UBXN7: variants seen among roughly 807,000 people sequenced by gnomAD.
UBXN7 encodes the protein UBX domain protein 7.
A neutral mutation model predicts 58.0 loss-of-function variants in UBXN7; 9 were observed. The observed-to-expected ratio is 0.16, with a 90% confidence interval of 0.09 to 0.27. UBXN7 has a LOEUF of 0.27. Among genes scored for constraint, UBXN7 ranks in the 10% least tolerant of loss-of-function variants. The pLI is 1.00. For synonymous variants in UBXN7, 208 were observed against 205.0 expected (o/e 1.01, Z -0.12); for missense variants, 328 against 599.6 (o/e 0.55, Z 4.73).
rs1728240598 is a variant in UBXN7 at position 196,352,543 on chromosome 3, G to A, written c.*4142C>T. On this transcript the variant is annotated 3_prime_UTR_variant, in exon 11 of 11. Transcript: ENST00000296328. The surrounding 1 kb of genome is among the most constrained non-coding windows in gnomAD (Gnocchi z 4.1). ...TTACAGGCATGAGCCACCACACCTG[G>A]CCAGGAATTAGATCTCAGATTTCAA... The A allele has an allele frequency of 6.6e-6, 1 of 152,044 alleles. No individual in the cohort carries two copies. Among genetic ancestry groups the A allele is most frequent in the Non-Finnish European group, 1.5e-5 (1 of 68,022 alleles). The allele number at this position is 152,044 out of a possible 1,614,324, so 9.4% of individuals were successfully genotyped here. A position where few individuals can be genotyped will look rare whatever the true frequency, so the allele number is the denominator to read the frequency against.
chr3:196,426,960 A>T (rs1014387155), intron 1 of UBXN7, among the ~76,000 whole-genome samples: 48 of 152,208 alleles, frequency 3.2e-4, no homozygotes, highest in African/African-American at 1.1e-3. Context: ...TGAAAGATTA[A>T]GGTCTCTTCT....
At chr3:196,403,642 G>GA (rs1166238460) in intron 2 of UBXN7, among the ~76,000 whole-genome samples, 26 of 151,810 alleles carry the variant, frequency 1.7e-4, no homozygotes, top group Admixed American at 1.6e-3. Context: ...GAAATGAACA[G>GA]AAAAATATAG....
In UBXN7 at chr3:196,409,998, T is replaced by C. The variant is rs1366302625; in HGVS notation, c.74-2605A>G. On this transcript the variant is annotated intron_variant, in intron 1 of 10. Transcript: ENST00000296328. ...TCTCATCACCCAGGCTGGAGTGTAA[T>C]GGTGCGATCTTGGCTCACTACAACC... 2.6e-5 allele frequency among the ~76,000 whole-genome samples: 4 copies of C among 151,496 alleles called. No individual in the cohort carries two copies. In the East Asian group the frequency reaches 7.7e-4, roughly 29 times the overall value.
intron 1 of UBXN7, among the ~76,000 whole-genome samples, chr3:196,424,683 G>T (rs1048843776): frequency 1.4e-5 from 2 of 146,720 alleles, no homozygotes; most frequent in Admixed American, 6.9e-5. Flanking sequence ...ACTAGGCCTC[G>T]CCTCATCCAT....
chr3:196,409,437 T>G (rs1379290147), intron 1 of UBXN7, among the ~76,000 whole-genome samples: 1 of 152,152 alleles, frequency 6.6e-6, no homozygotes, highest in Non-Finnish European at 1.5e-5. Context: ...TCACAGTTTT[T>G]GTGTGATTTG....
intron 5 of UBXN7, among the ~76,000 whole-genome samples, chr3:196,385,289 C>A (rs1729342226): frequency 1.3e-5 from 2 of 152,218 alleles, no homozygotes; most frequent in African/African-American, 4.8e-5. Context: ...CAGACGGAGT[C>A]TCGCTCAGTC....
chr3:196,412,118 C>A (rs569273687), intron 1 of UBXN7, among the ~76,000 whole-genome samples: 2 of 147,448 alleles, frequency 1.4e-5, no homozygotes, highest in South Asian at 2.1e-4. Flanking sequence ...TAGCTCCCAG[C>A]TATTAGGGAG....
At chr3:196,363,909 G>A (rs1728582890) in intron 8 of UBXN7, among the ~76,000 whole-genome samples, 3 of 148,306 alleles carry the variant, frequency 2.0e-5, no homozygotes, top group African/African-American at 5.0e-5. Flanking sequence ...GTGACAGAGC[G>A]AGACTCCATC....
At chr3:196,416,047 AG>A (rs1476832881) in intron 1 of UBXN7, 2 of 152,250 alleles carry the variant, frequency 1.3e-5, no homozygotes, top group Non-Finnish European at 1.5e-5. Flanking sequence ...ACCACAAAAA[AG>A]CAGAAAGAAC....
rs556514024 is a variant in UBXN7 at position 196,422,019 on chromosome 3, T to A, written c.73+10308A>T. The stretch of plus-strand genomic sequence containing the variant: ...TTCAAGACCAGACTGGCCAATGTGG[T>A]GAAACCCTAGTCTCTAGTAAAAATA... On this transcript the variant is annotated intron_variant, in intron 1 of 10. Transcript: ENST00000296328. Among the ~76,000 whole-genome samples, 3 of 151,756 alleles carry A rather than the reference T, an allele frequency of 2.0e-5. No individual in the cohort carries two copies. In the East Asian group the frequency reaches 5.8e-4, roughly 30 times the overall value.
chr3:196,423,498 G>A, intron 1 of UBXN7: 1 of 216,558 alleles, frequency 4.6e-6, no homozygotes, highest in Non-Finnish European at 9.5e-6. Context: ...TTCCCCTCCT[G>A]CCTGACCATT....
At chr3:196,427,565 G>A (rs1172227687) in intron 1 of UBXN7, among the ~76,000 whole-genome samples, 2 of 152,176 alleles carry the variant, frequency 1.3e-5, no homozygotes, top group South Asian at 2.1e-4. Context: ...TGATCCACCC[G>A]CCTTGGCCTC....
chr3:196,431,805 A>G (rs914845863), intron 1 of UBXN7: 2 of 423,938 alleles, frequency 4.7e-6, no homozygotes, highest in Admixed American at 2.7e-5. Flanking sequence ...TGAAGGCGGG[A>G]GGGCCCGAAC....
At chr3:196,410,364 T>C (rs551703991) in intron 1 of UBXN7, among the ~76,000 whole-genome samples, 69 of 152,314 alleles carry the variant, frequency 4.5e-4, no homozygotes, top group African/African-American at 1.6e-3. Context: ...ACTCTTAATG[T>C]CTCTCATTTG....
chr3:196,368,863 C>T (rs1054725233), intron 7 of UBXN7, among the ~76,000 whole-genome samples: 1 of 152,086 alleles, frequency 6.6e-6, no homozygotes, highest in Non-Finnish European at 1.5e-5. Flanking sequence ...CACTCTGTTG[C>T]CCAGGCTGGA....
chr3:196,415,620 A>G (rs1730458099), intron 1 of UBXN7, among the ~76,000 whole-genome samples: 1 of 151,364 alleles, frequency 6.6e-6, no homozygotes, highest in South Asian at 2.1e-4. Context: ...CTAAAAAATA[A>G]AAAATAAAAA....
chr3:196,420,976 G>A (rs1410488685), intron 1 of UBXN7, among the ~76,000 whole-genome samples: 2 of 152,014 alleles, frequency 1.3e-5, no homozygotes, highest in Non-Finnish European at 2.9e-5. Context: ...GTTACTTTTC[G>A]GTTCCACATT....
At chr3:196,418,712 G>T (rs1291528028) in intron 1 of UBXN7, among the ~76,000 whole-genome samples, 1 of 152,180 alleles carries the variant, frequency 6.6e-6, no homozygotes, top group Non-Finnish European at 1.5e-5. Flanking sequence ...AATTTCTAAA[G>T]ATTCACAGGT....
rs565265448 is a variant in UBXN7, at chr3:196,373,074, G to T, written c.469-1032C>A. 5.9e-5 allele frequency among the ~76,000 whole-genome samples: 9 copies of T among 152,254 alleles called. No individual in the cohort carries two copies. In the East Asian group the frequency reaches 1.5e-3, roughly 26 times the overall value. On this transcript the variant is annotated intron_variant, in intron 5 of 10. Transcript: ENST00000296328. ...CCAATTATACTTCTTTTTAATGAAT[G>T]CAATTGGTGTGTATATTTTACTTTG... is the stretch of plus-strand genomic sequence containing the variant.
Sources: gnomAD v4.1 joint callset for allele counts (sites outside exome capture counted in the v4.1 genomes callset) on GRCh38, gnomAD v4.1.1 for gene constraint, Gnocchi (gnomAD v3.1) non-coding constraint, MANE v1.5 for transcripts, NCBI Gene and HGNC (gene_info 2026-07-23, HGNC 2026-07-21) for gene names.